Variants in PPP2R3A observed in about 807,000 individuals in gnomAD.
PPP2R3A encodes serine/threonine-protein phosphatase 2A regulatory subunit B'' subunit alpha.
A neutral mutation model predicts 106.9 loss-of-function variants in PPP2R3A; 80 were observed. That is an observed-to-expected ratio of 0.75 (90% CI 0.62 to 0.90). The LOEUF (loss-of-function observed/expected upper bound fraction) is 0.90. Ranked by LOEUF, PPP2R3A falls within the 40% of genes least tolerant of loss-of-function variation. The probability of loss-of-function intolerance (pLI) is 0.00; values close to 1 mark genes in which losing one functional copy is unlikely to be tolerated. For synonymous variants in PPP2R3A, 483 were observed against 468.3 expected (o/e 1.03, Z -0.41); for missense variants, 1,386 against 1,350.4 (o/e 1.03, Z -0.41).
intron 3 of PPP2R3A, among the ~76,000 whole-genome samples, chr3:136,039,663 C>T (rs901979844): frequency 6.6e-6 from 1 of 152,198 alleles, no homozygotes; most frequent in Non-Finnish European, 1.5e-5. Context: ...CTCACCTGCC[C>T]TTCACCTCCT....
At chr3:136,112,749 G>T (rs1937613899) in intron 13 of PPP2R3A, among the ~76,000 whole-genome samples, 1 of 152,104 alleles carries the variant, frequency 6.6e-6, no homozygotes, top group African/African-American at 2.4e-5. Context: ...GTTAACATGG[G>T]CATACTACCC....
intron 13 of PPP2R3A, among the ~76,000 whole-genome samples, chr3:136,144,608 C>T (rs562967578): frequency 1.4e-4 from 22 of 151,912 alleles, no homozygotes; most frequent in African/African-American, 5.1e-4. Flanking sequence ...TTGCAGTGAG[C>T]CAAGATCGTG....
At chr3:136,078,739 G>A (rs189911745) in intron 7 of PPP2R3A, among the ~76,000 whole-genome samples, 11 of 152,252 alleles carry the variant, frequency 7.2e-5, no homozygotes, top group African/African-American at 2.2e-4. Flanking sequence ...TGGATAAAAC[G>A]TACAGAGGCG....
intron 5 of PPP2R3A, among the ~76,000 whole-genome samples, chr3:136,066,988 A>T (rs542423949): frequency 6.6e-6 from 1 of 152,192 alleles, no homozygotes; most frequent in South Asian, 2.1e-4. Context: ...CCAATATCTT[A>T]TTTAATGGGA....
intron 12 of PPP2R3A, among the ~76,000 whole-genome samples, chr3:136,104,284 ATTTG>A (rs1342301951): frequency 4.1e-5 from 6 of 144,770 alleles, no homozygotes; most frequent in African/African-American, 1.5e-4. Context: ...ATAATTTTAT[ATTTG>A]TTTCTTTCTT....
chr3:135,970,614 G>C (rs977998079), intron 1 of PPP2R3A, among the ~76,000 whole-genome samples: 1 of 152,160 alleles, frequency 6.6e-6, no homozygotes, highest in African/African-American at 2.4e-5. Flanking sequence ...TTTTAGATTG[G>C]AAGAGGCAGA....
intron 2 of PPP2R3A, among the ~76,000 whole-genome samples, chr3:136,011,601 T>C (rs1354116963): frequency 6.6e-6 from 1 of 152,192 alleles, no homozygotes; most frequent in African/African-American, 2.4e-5. Context: ...TATGATCATC[T>C]TCAGAAATTG....
intron 1 of PPP2R3A, among the ~76,000 whole-genome samples, chr3:135,996,864 A>G (rs1044558389): frequency 4.3e-4 from 66 of 152,320 alleles, no homozygotes; most frequent in African/African-American, 1.4e-3. Context: ...ACTTTAATCA[A>G]TAATTTTGCT....
At chr3:136,108,347 G>T (rs1032379396) in intron 13 of PPP2R3A, among the ~76,000 whole-genome samples, 3 of 152,132 alleles carry the variant, frequency 2.0e-5, no homozygotes, top group Non-Finnish European at 4.4e-5. Flanking sequence ...AAATCATTTT[G>T]TGGATGTGTA....
Position 135,969,002 on chromosome 3 carries a change from C to G in PPP2R3A, c.-441+3153C>G, listed in dbSNP as rs139312595. Among the ~76,000 whole-genome samples, 824 of 152,168 alleles carry G rather than the reference C, an allele frequency of 5.4e-3. 2 individuals are homozygous for G. Among genetic ancestry groups the G allele is most frequent in the Middle Eastern group, 0.027 (8 of 294 alleles). On this transcript the variant is annotated intron_variant, in intron 1 of 13. Coordinates refer to ENST00000264977, the MANE Select transcript of PPP2R3A (RefSeq NM_002718.5). ...TTCCAGTAATTTACCGTAAACAGTG[C>G]TACGAATATGCTGTTTCATATGTGA...
rs577258358 is a variant in PPP2R3A, at chr3:136,130,669, C to T, written c.3330-14374C>T. Among the ~76,000 whole-genome samples the T allele has an allele frequency of 2.0e-5, 3 of 152,194 alleles. No individual in the cohort carries two copies. In the South Asian group the frequency reaches 6.2e-4, roughly 32 times the overall value. On this transcript the variant is annotated intron_variant, in intron 13 of 13. Coordinates refer to ENST00000264977, the MANE Select transcript of PPP2R3A (RefSeq NM_002718.5). Reference sequence around the variant, plus strand: ...AATTGGAAAAAACTACTTTAAAATTCATATGGAACCAAAAAAGAGCCTGCA... The same window carrying T: ...AATTGGAAAAAACTACTTTAAAATTTATATGGAACCAAAAAAGAGCCTGCA...
At chr3:136,068,790 A>G (rs1173975328) in intron 5 of PPP2R3A, among the ~76,000 whole-genome samples, 1 of 150,660 alleles carries the variant, frequency 6.6e-6, no homozygotes, top group African/African-American at 2.5e-5. Flanking sequence ...AGAACGCAGC[A>G]GACACCACTT....
intron 13 of PPP2R3A, among the ~76,000 whole-genome samples, chr3:136,117,600 C>A (rs1418259111): frequency 1.3e-5 from 2 of 152,174 alleles, no homozygotes; most frequent in African/African-American, 4.8e-5. Flanking sequence ...AGTATAAACA[C>A]CTCTATGCAA....
At chr3:136,014,537 T>C (rs1021152635) in intron 2 of PPP2R3A, among the ~76,000 whole-genome samples, 1 of 152,194 alleles carries the variant, frequency 6.6e-6, no homozygotes, top group African/African-American at 2.4e-5. Flanking sequence ...GTCTTTCACC[T>C]CCTCGGTTAG....
intron 1 of PPP2R3A, among the ~76,000 whole-genome samples, chr3:135,988,624 C>A (rs1277543003): frequency 1.3e-5 from 2 of 152,250 alleles, no homozygotes; most frequent in South Asian, 4.1e-4. Flanking sequence ...CTTGCTAAAA[C>A]ATTCAAGCCA....
At chr3:136,023,163 C>T (rs950570896) in intron 2 of PPP2R3A, 18 of 1,613,306 alleles carry the variant, frequency 1.1e-5, no homozygotes, top group East Asian at 2.2e-5. Context: ...TCTCCCTTCA[C>T]GGTTTAAGAA....
chr3:136,063,499 G>A, intron 5 of PPP2R3A, among the ~76,000 whole-genome samples: 1 of 152,160 alleles, frequency 6.6e-6, no homozygotes, highest in Non-Finnish European at 1.5e-5. Flanking sequence ...TATAGAATGG[G>A]AGAAAATTTT....
At chr3:136,013,607 A>T (rs990950724) in intron 2 of PPP2R3A, among the ~76,000 whole-genome samples, 21 of 152,008 alleles carry the variant, frequency 1.4e-4, no homozygotes, top group African/African-American at 5.1e-4. Flanking sequence ...ATCGTTAGTG[A>T]TGTTGAGCAT....
intron 5 of PPP2R3A, among the ~76,000 whole-genome samples, chr3:136,067,930 G>GCATA (rs1481036741): frequency 6.6e-6 from 1 of 152,176 alleles, no homozygotes. Context: ...AAACACAGGG[G>GCATA]CATATCAAGA....
Sources: allele counts gnomAD v4.1 joint callset (sites outside exome capture counted in the v4.1 genomes callset), GRCh38; gene constraint gnomAD v4.1.1; transcripts MANE v1.5; gene names NCBI Gene and HGNC (gene_info 2026-07-23, HGNC 2026-07-21).